Variants in RABGAP1L observed in about 807,000 individuals in gnomAD.
RABGAP1L encodes the protein RAB GTPase activating protein 1 like, also known as rab GTPase-activating protein 1-like.
A neutral mutation model predicts 137.7 loss-of-function variants in RABGAP1L; 63 were observed. The observed-to-expected ratio is 0.46, with a 90% CI of 0.37 to 0.56. RABGAP1L has a LOEUF of 0.56. Among genes scored for constraint, RABGAP1L ranks in the 20% least tolerant of loss-of-function variants. The pLI, the probability that RABGAP1L is intolerant of heterozygous loss-of-function variation, is 0.00. For synonymous variants in RABGAP1L, 431 were observed against 433.7 expected (o/e 0.99, Z 0.08); for missense variants, 1,095 against 1,244.0 (o/e 0.88, Z 1.80).
chr1:174,964,906 A>G (rs878861513), intron 20 of RABGAP1L: 6 of 1,474,804 alleles, frequency 4.1e-6, no homozygotes, highest in African/African-American at 2.9e-5. Context: ...TAGGTGTTCA[A>G]TTTCATTGGA....
chr1:174,325,780 A>G (rs1268662196), intron 11 of RABGAP1L, among the ~76,000 whole-genome samples: 1 of 152,200 alleles, frequency 6.6e-6, no homozygotes, highest in Non-Finnish European at 1.5e-5. Context: ...TGGGACTAGC[A>G]GCAGCCGGTG....
intron 19 of RABGAP1L, among the ~76,000 whole-genome samples, chr1:174,926,815 C>T (rs1333807090): frequency 2.0e-5 from 3 of 151,970 alleles, no homozygotes; most frequent in Non-Finnish European, 4.4e-5. Context: ...TGGCTCACAC[C>T]TGTAATCCCA....
At chr1:174,734,870 T>C (rs1490487802) in intron 17 of RABGAP1L, among the ~76,000 whole-genome samples, 6 of 152,126 alleles carry the variant, frequency 3.9e-5, no homozygotes, top group African/African-American at 1.4e-4. Flanking sequence ...TTCTTCAGAT[T>C]GCATTGAGTC....
intron 13 of RABGAP1L, among the ~76,000 whole-genome samples, chr1:174,633,642 G>A (rs1441257599): frequency 1.7e-5 from 2 of 115,246 alleles, no homozygotes; most frequent in Non-Finnish European, 1.7e-5. Flanking sequence ...TATACTACAA[G>A]GCTACAGTAA....
intron 18 of RABGAP1L, among the ~76,000 whole-genome samples, chr1:174,779,198 T>A (rs1686763413): frequency 1.3e-5 from 2 of 152,194 alleles, no homozygotes; most frequent in South Asian, 2.1e-4. Context: ...AACATCTTTA[T>A]CTCATATATC....
chr1:174,192,098 C>G (rs999731462), intron 1 of RABGAP1L, among the ~76,000 whole-genome samples: 6 of 152,026 alleles, frequency 3.9e-5, no homozygotes, highest in African/African-American at 1.5e-4. Flanking sequence ...CAAAAATAGA[C>G]TTTCTCTGAA....
intron 13 of RABGAP1L, among the ~76,000 whole-genome samples, chr1:174,590,494 T>TC (rs1158567024): frequency 2.2e-5 from 2 of 89,070 alleles, no homozygotes; most frequent in African/African-American, 1.2e-4. Context: ...ATGCTATCCC[T>TC]CCCCCCTCCC....
chr1:174,348,953 C>G (rs1210271294), intron 11 of RABGAP1L, among the ~76,000 whole-genome samples: 1 of 152,144 alleles, frequency 6.6e-6, no homozygotes, highest in Non-Finnish European at 1.5e-5. Flanking sequence ...CATCCTGGCC[C>G]GTTCTCAATG....
chr1:174,941,790 A>G, intron 19 of RABGAP1L, among the ~76,000 whole-genome samples: 1 of 152,210 alleles, frequency 6.6e-6, no homozygotes, highest in East Asian at 1.9e-4. Context: ...TCTCTTCCTT[A>G]AAGTCTATCC....
intron 13 of RABGAP1L, among the ~76,000 whole-genome samples, chr1:174,561,289 A>G (rs569876786): frequency 2.0e-5 from 3 of 152,216 alleles, no homozygotes; most frequent in Non-Finnish European, 2.9e-5. Flanking sequence ...ATACCTAGGA[A>G]TAAAACTTAC....
At chr1:174,588,720 T>A (rs1255750602) in intron 13 of RABGAP1L, among the ~76,000 whole-genome samples, 1 of 152,132 alleles carries the variant, frequency 6.6e-6, no homozygotes, top group Admixed American at 6.5e-5. Context: ...TTCTGCCTGT[T>A]TTATTTCATT....
intron 19 of RABGAP1L, among the ~76,000 whole-genome samples, chr1:174,860,458 T>A (rs972939361): frequency 1.3e-5 from 2 of 152,042 alleles, no homozygotes; most frequent in Non-Finnish European, 2.9e-5. Context: ...TAAAAAAAAA[T>A]TAAAAATCAA....
intron 1 of RABGAP1L, among the ~76,000 whole-genome samples, chr1:174,176,489 C>T (rs575033544): frequency 1.1e-3 from 172 of 150,114 alleles, no homozygotes; most frequent in African/African-American, 3.9e-3. Flanking sequence ...GCGGGCGGAT[C>T]GCTGGAGCTT....
At chr1:174,622,876 G>T (rs1672640823) in intron 13 of RABGAP1L, among the ~76,000 whole-genome samples, 1 of 152,144 alleles carries the variant, frequency 6.6e-6, no homozygotes, top group Non-Finnish European at 1.5e-5. Context: ...CGAAATTTTT[G>T]TAGGTATGTA....
At chr1:174,357,448 T>C (rs1683731882) in intron 11 of RABGAP1L, among the ~76,000 whole-genome samples, 1 of 152,214 alleles carries the variant, frequency 6.6e-6, no homozygotes, top group Non-Finnish European at 1.5e-5. Flanking sequence ...TCGAGTGTCA[T>C]GTACTAGAAG....
chr1:174,820,933 C>T (rs1214778429), intron 19 of RABGAP1L, among the ~76,000 whole-genome samples: 1 of 151,372 alleles, frequency 6.6e-6, no homozygotes, highest in East Asian at 2.0e-4. Context: ...GTGGGAATTG[C>T]TGGAGTCCGG....
intron 24 of RABGAP1L, among the ~76,000 whole-genome samples, chr1:174,984,419 A>C (rs1473844450): frequency 6.6e-6 from 1 of 152,222 alleles, no homozygotes; most frequent in Non-Finnish European, 1.5e-5. Context: ...GTATACATGC[A>C]AATTAAGAAC....
At chr1:174,770,264 T>C (rs1686012101) in intron 18 of RABGAP1L, among the ~76,000 whole-genome samples, 2 of 152,200 alleles carry the variant, frequency 1.3e-5, no homozygotes, top group Admixed American at 1.3e-4. Flanking sequence ...AGTTTCAAGA[T>C]GCTATCTAGT....
At chr1:174,385,145 A>G (rs913007131) in intron 12 of RABGAP1L, among the ~76,000 whole-genome samples, 5 of 152,224 alleles carry the variant, frequency 3.3e-5, no homozygotes, top group Admixed American at 3.3e-4. Flanking sequence ...GCTATTGTAA[A>G]TAATCCAGGG....
Sources: allele counts gnomAD v4.1 joint callset (sites outside exome capture counted in the v4.1 genomes callset), GRCh38; gene constraint gnomAD v4.1.1; transcripts MANE v1.5; gene names NCBI Gene and HGNC (gene_info 2026-07-23, HGNC 2026-07-21).